LAMB1: variants seen among roughly 807,000 people sequenced by gnomAD.
LAMB1 encodes laminin subunit beta 1, also known as laminin subunit beta-1.
Under a neutral mutation model 222.3 loss-of-function variants are expected in LAMB1, and 121 were observed. The ratio of observed to expected loss-of-function variants is 0.54; its 90% CI spans 0.47 to 0.63. The LOEUF is 0.63. Ranked by LOEUF, LAMB1 falls within the 30% of genes least tolerant of loss-of-function variation. The pLI, the probability that LAMB1 is intolerant of heterozygous loss-of-function variation, is 0.00. For missense variants in LAMB1, 2,172 were observed against 2,240.8 expected (o/e 0.97, Z 0.62); for synonymous variants, 794 against 807.2 (o/e 0.98, Z 0.28).
At chr7:107,934,496 T>G (rs1243431887) in intron 27 of LAMB1, among the ~76,000 whole-genome samples, 2 of 152,158 alleles carry the variant, frequency 1.3e-5, no homozygotes, top group African/African-American at 4.8e-5. Flanking sequence ...TAGGCTTTTT[T>G]GGGGCCTTCT....
chr7:107,973,672 G>A (rs1409366290), intron 12 of LAMB1, among the ~76,000 whole-genome samples: 2 of 152,108 alleles, frequency 1.3e-5, no homozygotes, highest in South Asian at 2.1e-4. Flanking sequence ...TTGAGATGAA[G>A]TCTTGCTCTG....
intron 32 of LAMB1, 30 bp from the exon 33 acceptor site, chr7:107,924,419 T>C: frequency 6.4e-7 from 1 of 1,554,250 alleles, no homozygotes; most frequent in Non-Finnish European, 8.8e-7. Flanking sequence ...CAGAAAGAAG[T>C]GGTAATGTTA....
chr7:107,959,960 G>C, intron 18 of LAMB1, 126 bp from the exon 19 acceptor site: 1 of 1,302,406 alleles, frequency 7.7e-7, no homozygotes, highest in Non-Finnish European at 1.0e-6. Context: ...TCATCCCTAT[G>C]ATGAGCGGAA....
chr7:107,986,512 T>C (rs1006859996), intron 5 of LAMB1, 149 bp from the exon 6 acceptor site: 1 of 644,532 alleles, frequency 1.6e-6, no homozygotes, highest in African/African-American at 1.8e-5. Flanking sequence ...TTTCAAATAA[T>C]TCAAGCTGTT....
intron 32 of LAMB1, among the ~76,000 whole-genome samples, chr7:107,925,965 G>C (rs763347169): frequency 9.4e-5 from 14 of 148,728 alleles, no homozygotes; most frequent in South Asian, 2.1e-4. Context: ...CTAAACTCTT[G>C]TCCAAATTTG....
At chr7:107,928,951 G>T in intron 31 of LAMB1, 113 bp downstream of exon 31, 1 of 1,026,252 alleles carries the variant, frequency 9.7e-7, no homozygotes, top group Non-Finnish European at 1.5e-6. Flanking sequence ...TTTATTAAAG[G>T]AATCCTTTAA....
rs777619495 is a variant in LAMB1, at chr7:107,975,244, A to C, written c.1359T>G (p.Phe453Leu). Residue 453 changes from phenylalanine to leucine, a missense_variant, in exon 11 of 34, where the codon TTT (phenylalanine) becomes TTG (leucine). Transcript: ENST00000222399. The stretch of plus-strand genomic sequence containing the variant: ...AGCAAACAGACCTACATTTACAACC[A>C]AATGGATCTTCACTGCTTAAATCAT... ...GFYDLSSEDP[F>L]GCKSCACNPL... 6.8e-6 allele frequency: 11 copies of C among 1,611,930 alleles called. No individual in the cohort carries two copies. In the South Asian group the frequency reaches 7.7e-5, roughly 11 times the overall value.
At chr7:107,994,599 G>A (rs964926497) in intron 5 of LAMB1, among the ~76,000 whole-genome samples, 1 of 152,154 alleles carries the variant, frequency 6.6e-6, no homozygotes, top group Non-Finnish European at 1.5e-5. Context: ...GTTTGGAAAA[G>A]GGTCAACACT....
rs200599445 is a variant in LAMB1, at chr7:107,935,347, G to GTTTTTTTTTTTTTTTT, written c.4188+52_4188+67dup. 6.1e-5 allele frequency: 71 copies of GTTTTTTTTTTTTTTTT among 1,173,252 alleles called. 10 individuals carry two copies. The highest frequency in any genetic ancestry group is 3.1e-4 in the African/African-American group (13 of 41,534). 72.7% of individuals were successfully genotyped at this position (1,173,252 alleles called of 1,614,324 possible). On this transcript the variant is annotated intron_variant, in intron 27 of 33. Transcript: ENST00000222399. Reference sequence around the variant, plus strand: ...GACAAAAGATGGTTTGTTTTTCTTTGTTTTTTTTTTTTTTTTTTTTTTTTT... The same window carrying GTTTTTTTTTTTTTTTT: ...GACAAAAGATGGTTTGTTTTTCTTTGTTTTTTTTTTTTTTTTTTTTTTTTTTTTTTTTTTTTTTTTT...
rs745645731 is a variant in LAMB1 at position 107,935,688 on chromosome 7, A to G, written c.3947-32T>C. The G allele has an allele frequency of 2.5e-6, 4 of 1,606,724 alleles. No homozygotes were observed. The East Asian group carries it at 6.7e-5, about 27-fold the overall frequency. Reference sequence around the variant, plus strand: ...TAGGAAATGAAATTGCCCACAGTTAACCTCATCATACTAGGCTTCCTCCCC... The same window carrying G: ...TAGGAAATGAAATTGCCCACAGTTAGCCTCATCATACTAGGCTTCCTCCCC... On this transcript the variant is annotated intron_variant, in intron 26 of 33. Transcript: ENST00000222399.
chr7:107,924,961 AAG>A (rs1426954142), intron 32 of LAMB1, among the ~76,000 whole-genome samples: 3 of 152,234 alleles, frequency 2.0e-5, no homozygotes, highest in African/African-American at 7.2e-5. Flanking sequence ...ATTTCATTTC[AAG>A]AGATTTTGTT....
At chr7:107,963,712 C>G (rs554059076) in intron 14 of LAMB1, among the ~76,000 whole-genome samples, 1 of 152,320 alleles carries the variant, frequency 6.6e-6, no homozygotes, top group South Asian at 2.1e-4. Flanking sequence ...TTGTGACCAA[C>G]AGAACCTGAG....
At chr7:107,932,596 T>C (rs1400597102) in intron 27 of LAMB1, 3 of 589,274 alleles carry the variant, frequency 5.1e-6, no homozygotes, top group Non-Finnish European at 9.1e-6. Context: ...TTACAACTCA[T>C]CAATATCTTC....
At chr7:107,983,345 C>G (rs887347572) in intron 7 of LAMB1, among the ~76,000 whole-genome samples, 1 of 152,118 alleles carries the variant, frequency 6.6e-6, no homozygotes, top group Non-Finnish European at 1.5e-5. Context: ...CCCGCCTCTA[C>G]TCAACTGGTT....
intron 32 of LAMB1, among the ~76,000 whole-genome samples, 175 bp from the exon 33 acceptor site, chr7:107,924,564 G>A (rs976157973): frequency 6.6e-6 from 1 of 152,152 alleles, no homozygotes. Flanking sequence ...AAATTGACAT[G>A]ATTTTAAAGA....
Position 107,964,576 on chromosome 7 carries a change from T to C in LAMB1, c.1674A>G (p.Glu558=). The change falls in exon 14 of 34, where the codon GAA becomes GAG. Residue 558 remains glutamate, a synonymous_variant. Transcript: ENST00000222399. ...CAGGCCCCAAGTTGGCTTCCTCCGC[T>C]TCATAGAGGTAGTGATCCAGGGTGG... ...YFATLDHYLY[E]AEEANLGPGV... 6.2e-7 allele frequency: 1 copy of C among 1,614,148 alleles called. No individual in the cohort carries two copies. The highest frequency in any genetic ancestry group is 8.5e-7 in the Non-Finnish European group (1 of 1,180,016).
chr7:107,998,286 C>G, intron 4 of LAMB1, 71 bp downstream of exon 4: 1 of 1,492,586 alleles, frequency 6.7e-7, no homozygotes, highest in Non-Finnish European at 9.3e-7. Flanking sequence ...TACAAACACC[C>G]AGGAACCTGT....
chr7:107,929,679 A>C, intron 29 of LAMB1, 60 bp from the exon 30 acceptor site: 1 of 1,354,856 alleles, frequency 7.4e-7, no homozygotes, highest in Non-Finnish European at 1.0e-6. Context: ...TCATTCATTC[A>C]ACCACTTACT....
At chr7:107,964,343 C>T (rs1445364945) in intron 14 of LAMB1, among the ~76,000 whole-genome samples, 1 of 152,184 alleles carries the variant, frequency 6.6e-6, no homozygotes, top group Non-Finnish European at 1.5e-5. Context: ...AAAGCCTTAT[C>T]AGTGAATGCT....
Sources: gnomAD v4.1 joint callset for allele counts (sites outside exome capture counted in the v4.1 genomes callset) on GRCh38, gnomAD v4.1.1 for gene constraint, MANE v1.5 for transcripts, NCBI Gene and HGNC (gene_info 2026-07-23, HGNC 2026-07-21) for gene names.